RILPL2: variants seen among roughly 807,000 people sequenced by gnomAD.
RILPL2 encodes the protein RILP-like protein 2.
RILPL2 carries 19 observed loss-of-function variants against 22.2 expected under a neutral mutation model. That is an observed-to-expected ratio of 0.86 (90% CI 0.60 to 1.25). The LOEUF is 1.25. Among genes scored for constraint, RILPL2 ranks in the 50% most tolerant of loss-of-function variants. The pLI is 0.00. For synonymous variants in RILPL2, 123 were observed against 111.6 expected, an observed-to-expected ratio of 1.10 and a Z score of -0.64; for missense variants, 243 against 263.6, an observed-to-expected ratio of 0.92 and a Z score of 0.54.
At chr12:123,430,446 T>C (rs1043039399) in intron 2 of RILPL2, 62 bp downstream of exon 2, 7 of 1,470,962 alleles carry the variant, frequency 4.8e-6, no homozygotes, top group Non-Finnish European at 6.4e-6. Flanking sequence ...AACAAATATG[T>C]AACCTAGCAA....
chr12:123,423,202 CGTTT>C, intron 2 of RILPL2, 45 bp from the exon 3 acceptor site: 1 of 862,896 alleles, frequency 1.2e-6, no homozygotes, highest in African/African-American at 1.9e-5. Context: ...TATTACAGAT[CGTTT>C]TTTTTTTTTT....
chr12:123,422,245 A>C (rs576900288), intron 3 of RILPL2, among the ~76,000 whole-genome samples: 1 of 150,502 alleles, frequency 6.6e-6, no homozygotes, highest in East Asian at 2.0e-4. Flanking sequence ...AAAATTGGCC[A>C]GGCGCAGTGG....
At chr12:123,431,825 C>CAAA (rs1433072161) in intron 1 of RILPL2, among the ~76,000 whole-genome samples, 2 of 95,762 alleles carry the variant, frequency 2.1e-5, no homozygotes, top group African/African-American at 3.9e-5. Flanking sequence ...AACTCCATCT[C>CAAA]AAAAAAAAAA....
At chr12:123,434,590 A>C (rs1879738246) in intron 1 of RILPL2, among the ~76,000 whole-genome samples, 1 of 151,340 alleles carries the variant, frequency 6.6e-6, no homozygotes, top group Non-Finnish European at 1.5e-5. Flanking sequence ...CGCCCGGCTA[A>C]TTTTTTTCTG....
chr12:123,431,612 A>G (rs573722321), intron 1 of RILPL2, among the ~76,000 whole-genome samples: 1 of 152,146 alleles, frequency 6.6e-6, no homozygotes, highest in African/African-American at 2.4e-5. Context: ...TCACCAGGTC[A>G]GGAGACAGAG....
At chr12:123,426,704 C>T (rs774324982) in intron 2 of RILPL2, among the ~76,000 whole-genome samples, 33 of 151,352 alleles carry the variant, frequency 2.2e-4, no homozygotes, top group Non-Finnish European at 4.3e-4. Context: ...GGGGCTCACG[C>T]CATCCTCCTG....
rs117928527 is a variant in RILPL2, at chr12:123,435,769, G to A, written c.339+313C>T. Reference sequence around the variant, plus strand: ...AAAAAAAAAGTGTTTCTTGCTCTAGGTCAAAGGTTCTCAAACTGTGGACCC... The same window carrying A: ...AAAAAAAAAGTGTTTCTTGCTCTAGATCAAAGGTTCTCAAACTGTGGACCC... On this transcript the variant is annotated intron_variant, in intron 1 of 3. Coordinates refer to ENST00000280571, the MANE Select transcript of RILPL2 (RefSeq NM_145058.3). Among the ~76,000 whole-genome samples, 426 of 152,206 alleles carry A rather than the reference G, an allele frequency of 2.8e-3. 1 individual carries two copies. Among genetic ancestry groups the A allele is most frequent in the Non-Finnish European group, 5.1e-3 (349 of 68,002 alleles).
At chr12:123,427,788 G>T (rs756820866) in intron 2 of RILPL2, among the ~76,000 whole-genome samples, 5 of 152,058 alleles carry the variant, frequency 3.3e-5, no homozygotes, top group Non-Finnish European at 5.9e-5. Context: ...CAGGCAATCT[G>T]CCTGCCTCGG....
rs928078708 is a variant in RILPL2, at chr12:123,415,846, T to C, written c.*45A>G. Reference sequence around the variant, plus strand: ...TGGTTTTGCCAGGCATCTTGGAAGGTTGTCTTCTAGAATCAGAGCCATAGC... The same window carrying C: ...TGGTTTTGCCAGGCATCTTGGAAGGCTGTCTTCTAGAATCAGAGCCATAGC... On this transcript the variant is annotated 3_prime_UTR_variant, in exon 4 of 4. Transcript: ENST00000280571. The C allele has an allele frequency of 8.7e-6, 14 of 1,606,102 alleles. No homozygotes were observed. The highest frequency in any genetic ancestry group is 1.6e-4 in the Middle Eastern group (1 of 6,072).
At chr12:123,418,756 CTTTTTTT>C (rs1202023726) in intron 3 of RILPL2, among the ~76,000 whole-genome samples, 102 of 96,250 alleles carry the variant, frequency 1.1e-3, no homozygotes, top group African/African-American at 3.3e-3. Flanking sequence ...CTTTTTCTTT[CTTTTTTT>C]TTTTTTTTTT....
chr12:123,436,443 C>G lies in RILPL2; in HGVS notation c.-23G>C, dbSNP rs1041995024. On this transcript the variant is annotated 5_prime_UTR_variant, in exon 1 of 4. Transcript: ENST00000280571. This position sits in a 1 kb window ranked among gnomAD's most constrained non-coding sequence, Gnocchi z 6.7. ...CATGGCCACCCAGACCCCCGCCGAC[C>G]TCGGAGCTGCTGTCTTGGAGTCTCC... 7.1e-6 allele frequency: 11 copies of G among 1,540,494 alleles called. No homozygotes were observed. Among genetic ancestry groups the G allele is most frequent in the Admixed American group, 5.9e-5 (3 of 50,878 alleles).
chr12:123,421,285 CCACCCACCTCGGAAGTA>C (rs1879275496), intron 3 of RILPL2, among the ~76,000 whole-genome samples: 1 of 152,042 alleles, frequency 6.6e-6, no homozygotes, highest in Non-Finnish European at 1.5e-5. Context: ...CTCAAATGAT[CCACCCACCTCGGAAGTA>C]CTGGGATTAC....
chr12:123,423,778 C>T (rs964982757), intron 2 of RILPL2, among the ~76,000 whole-genome samples: 8 of 151,700 alleles, frequency 5.3e-5, no homozygotes, highest in Middle Eastern at 3.2e-3. Context: ...CTCAGCCCCC[C>T]GAGTAGCTGG....
chr12:123,429,116 T>C (rs1411027992), intron 2 of RILPL2, among the ~76,000 whole-genome samples: 1 of 152,110 alleles, frequency 6.6e-6, no homozygotes, highest in African/African-American at 2.4e-5. Flanking sequence ...ATCTATTTTG[T>C]ATATGGTACC....
intron 1 of RILPL2, among the ~76,000 whole-genome samples, chr12:123,434,456 C>A (rs1300192362): frequency 6.6e-6 from 1 of 151,448 alleles, no homozygotes; most frequent in African/African-American, 2.4e-5. Context: ...CAAAATCTCG[C>A]TCTGTCACCC....
chr12:123,420,156 C>G (rs539198264), intron 3 of RILPL2, among the ~76,000 whole-genome samples: 186 of 151,652 alleles, frequency 1.2e-3, no homozygotes, highest in Admixed American at 3.9e-3. Flanking sequence ...TCCTGAGTAG[C>G]TGGGATTAAA....
intron 2 of RILPL2, among the ~76,000 whole-genome samples, chr12:123,430,278 G>A (rs558461531): frequency 5.9e-4 from 89 of 151,400 alleles, no homozygotes; most frequent in Non-Finnish European, 9.1e-4. Flanking sequence ...GCACGGTGGC[G>A]GGCGCCTGTA....
At chr12:123,435,990 G>GAGAAA (rs1304645646) in intron 1 of RILPL2, 92 bp downstream of exon 1, 118 of 1,442,472 alleles carry the variant, frequency 8.2e-5, no homozygotes, top group Non-Finnish European at 9.5e-5. Flanking sequence ...GAAAAGAGAA[G>GAGAAA]AGAAAAGAAA....
At chr12:123,430,440 A>C (rs547367548) in intron 2 of RILPL2, 68 bp downstream of exon 2, 1 of 1,447,470 alleles carries the variant, frequency 6.9e-7, no homozygotes, top group South Asian at 1.3e-5. Flanking sequence ...AACAAAAACA[A>C]ATATGTAACC....
Sources: gnomAD v4.1 joint callset for allele counts (sites outside exome capture counted in the v4.1 genomes callset) on GRCh38, gnomAD v4.1.1 for gene constraint, Gnocchi (gnomAD v3.1) non-coding constraint, MANE v1.5 for transcripts, NCBI Gene and HGNC (gene_info 2026-07-23, HGNC 2026-07-21) for gene names.